Variants in CNTNAP2 observed in about 807,000 individuals in gnomAD.
The protein encoded by CNTNAP2 is contactin-associated protein-like 2.
In CNTNAP2, 98 loss-of-function variants were observed where a neutral mutation model predicts 155.2. The observed-to-expected ratio is 0.63, with a 90% CI of 0.54 to 0.75. The LOEUF (loss-of-function observed/expected upper bound fraction) is 0.75. CNTNAP2 is among the 30% of genes least tolerant of loss of function. The pLI is 0.00. For missense variants in CNTNAP2, 1,727 were observed against 1,688.1 expected, an observed-to-expected ratio of 1.02 and a Z score of -0.40; for synonymous variants, 651 against 631.2, an observed-to-expected ratio of 1.03 and a Z score of -0.47.
At position 146,535,392 on chromosome 7, in the gene CNTNAP2, T is replaced by C. The variant is rs1563124283; in HGVS notation, c.98-238879T>C. Among the ~76,000 whole-genome samples the C allele has an allele frequency of 4.2e-5, 2 of 47,906 alleles. 1 individual carries two copies. Among genetic ancestry groups the C allele is most frequent in the Non-Finnish European group, 6.6e-5 (2 of 30,272 alleles). The allele number at this position is 47,906 out of a possible 152,430, so 31.4% of individuals were successfully genotyped here. A position where few individuals can be genotyped will look rare whatever the true frequency, so the allele number is the denominator to read the frequency against. The stretch of plus-strand genomic sequence containing the variant: ...ATATTATATATGATATAATATATGA[T>C]ATATATATTATATATGATATAATAT... On this transcript the variant is annotated intron_variant, in intron 1 of 23. Transcript: ENST00000361727.
At chr7:148,187,341 C>T (rs1795135011) in intron 18 of CNTNAP2, among the ~76,000 whole-genome samples, 1 of 152,162 alleles carries the variant, frequency 6.6e-6, no homozygotes. Flanking sequence ...ATTCTTCTGA[C>T]ATGAGAGACC....
At chr7:148,110,300 T>C (rs932314963) in intron 15 of CNTNAP2, among the ~76,000 whole-genome samples, 1 of 152,026 alleles carries the variant, frequency 6.6e-6, no homozygotes, top group African/African-American at 2.4e-5. Context: ...CGTTGCCCAG[T>C]AGGTGGAGAT....
intron 1 of CNTNAP2, among the ~76,000 whole-genome samples, chr7:146,356,651 T>G (rs1295630716): frequency 6.6e-6 from 1 of 152,208 alleles, no homozygotes; most frequent in Non-Finnish European, 1.5e-5. Context: ...TGGATAAATG[T>G]GACCATTTTG....
chr7:146,908,335 C>T (rs1326321743), intron 3 of CNTNAP2, among the ~76,000 whole-genome samples: 6 of 149,780 alleles, frequency 4.0e-5, no homozygotes, highest in Admixed American at 4.0e-4. Flanking sequence ...CACCCCAAAT[C>T]AACAGAATAT....
At chr7:147,110,167 C>T (rs943927243) in intron 5 of CNTNAP2, among the ~76,000 whole-genome samples, 1 of 152,084 alleles carries the variant, frequency 6.6e-6, no homozygotes, top group Non-Finnish European at 1.5e-5. Flanking sequence ...TCAAATGATC[C>T]ACCTGCCTTG....
chr7:146,874,920 T>A (rs531361567), intron 3 of CNTNAP2, among the ~76,000 whole-genome samples: 1 of 152,338 alleles, frequency 6.6e-6, no homozygotes, highest in Non-Finnish European at 1.5e-5. Context: ...TATTGTGCAA[T>A]CATTCTTGCC....
intron 4 of CNTNAP2, among the ~76,000 whole-genome samples, chr7:147,090,397 G>T (rs1800377405): frequency 6.6e-6 from 1 of 151,548 alleles, no homozygotes; most frequent in Admixed American, 6.6e-5. Flanking sequence ...TGTTGTGCTA[G>T]GCTAAATATT....
intron 13 of CNTNAP2, among the ~76,000 whole-genome samples, chr7:147,700,569 G>A (rs1195109732): frequency 6.6e-6 from 1 of 152,184 alleles, no homozygotes; most frequent in Non-Finnish European, 1.5e-5. Flanking sequence ...AAAGATGAAA[G>A]AATGGAGTCA....
intron 1 of CNTNAP2, among the ~76,000 whole-genome samples, chr7:146,278,946 C>T (rs1800206797): frequency 6.6e-6 from 1 of 152,166 alleles, no homozygotes; most frequent in African/African-American, 2.4e-5. Flanking sequence ...AAGTTGGTAG[C>T]CCTCGCACAT....
chr7:146,281,221 T>G (rs1457512223), intron 1 of CNTNAP2, among the ~76,000 whole-genome samples: 1 of 152,324 alleles, frequency 6.6e-6, no homozygotes, highest in Non-Finnish European at 1.5e-5. Context: ...ACAGTTTTTC[T>G]TCACACAGAG....
intron 13 of CNTNAP2, among the ~76,000 whole-genome samples, chr7:147,842,760 A>T (rs1167243202): frequency 1.3e-5 from 1 of 76,508 alleles, no homozygotes; most frequent in Non-Finnish European, 2.6e-5. Flanking sequence ...ACCCCACCAC[A>T]GTCCCCAGAG....
At chr7:148,183,241 G>A (rs1034774048) in intron 18 of CNTNAP2, among the ~76,000 whole-genome samples, 2 of 152,216 alleles carry the variant, frequency 1.3e-5, no homozygotes, top group Admixed American at 6.5e-5. Flanking sequence ...TACCCACGCT[G>A]AAGGTTCTAC....
At chr7:148,073,234 G>C (rs940804653) in intron 15 of CNTNAP2, among the ~76,000 whole-genome samples, 1 of 152,128 alleles carries the variant, frequency 6.6e-6, no homozygotes, top group African/African-American at 2.4e-5. Context: ...ATAAGATAGC[G>C]TCATGTGTCA....
In CNTNAP2 at chr7:147,552,697, A is replaced by G. The variant is rs572399553; in HGVS notation, c.1778-9441A>G. On this transcript the variant is annotated intron_variant, in intron 11 of 23. Transcript: ENST00000361727. Reference sequence around the variant, plus strand: ...CTTTTCTCCACACTGTCCTTCAACAATGAGAATAAAATACGCCTTCTTCCT... The same window carrying G: ...CTTTTCTCCACACTGTCCTTCAACAGTGAGAATAAAATACGCCTTCTTCCT... Among the ~76,000 whole-genome samples the G allele has an allele frequency of 1.0e-3, 153 of 152,212 alleles. 1 individual carries two copies. The highest frequency in any genetic ancestry group is 2.4e-4 in the Non-Finnish European group (16 of 68,010).
chr7:147,601,644 A>AAAAAATATATATAT (rs1299075338), intron 12 of CNTNAP2, among the ~76,000 whole-genome samples: 2 of 87,468 alleles, frequency 2.3e-5, no homozygotes, highest in African/African-American at 4.3e-5. Context: ...CTTAAAAAAA[A>AAAAAATATATATAT]ATATATATAT....
chr7:148,405,372 T>C (rs1585349549), intron 22 of CNTNAP2, among the ~76,000 whole-genome samples: 1 of 151,802 alleles, frequency 6.6e-6, no homozygotes, highest in Middle Eastern at 3.4e-3. Flanking sequence ...CCGTATGTTC[T>C]GCTACTGTTT....
chr7:148,136,983 A>G (rs1359141603), intron 16 of CNTNAP2, among the ~76,000 whole-genome samples: 1 of 152,204 alleles, frequency 6.6e-6, no homozygotes, highest in Non-Finnish European at 1.5e-5. Flanking sequence ...ATTGTTTAAC[A>G]ATATCCATTT....
At chr7:147,229,454 A>G (rs1803628075) in intron 8 of CNTNAP2, among the ~76,000 whole-genome samples, 1 of 150,612 alleles carries the variant, frequency 6.6e-6, no homozygotes, top group South Asian at 2.1e-4. Context: ...TGACCTGACA[A>G]AAAGAAAGTG....
At chr7:147,012,550 C>G (rs2109306) in intron 3 of CNTNAP2, among the ~76,000 whole-genome samples, 98,616 of 151,898 alleles carry the variant, frequency 0.65, 33,568 homozygotes, top group African/African-American at 0.86. Flanking sequence ...AATAGTAGTT[C>G]TAATTGTGGT....
Sources: gnomAD v4.1 joint callset for allele counts (sites outside exome capture counted in the v4.1 genomes callset) on GRCh38, gnomAD v4.1.1 for gene constraint, MANE v1.5 for transcripts, NCBI Gene and HGNC (gene_info 2026-07-23, HGNC 2026-07-21) for gene names.